GNAS: variants seen among roughly 807,000 people sequenced by gnomAD.
GNAS encodes protein ALEX.
A neutral mutation model predicts 54.5 loss-of-function variants in GNAS; 8 were observed. That is an observed-to-expected ratio of 0.15 (90% CI 0.09 to 0.26). The LOEUF (loss-of-function observed/expected upper bound fraction) is 0.26, where lower values mean the gene tolerates loss of function less well. Ranked by LOEUF, GNAS falls within the 10% of genes least tolerant of loss-of-function variation. The pLI is 1.00. For missense variants in GNAS, 170 were observed against 529.8 expected, an observed-to-expected ratio of 0.32 and a Z score of 6.67; for synonymous variants, 204 against 191.4, an observed-to-expected ratio of 1.07 and a Z score of -0.54.
intron 2 of GNAS, 71 bp downstream of exon 2, chr20:58,895,755 T>C (rs1043815810): frequency 1.4e-5 from 13 of 937,920 alleles, no homozygotes; most frequent in East Asian, 4.9e-5. Context: ...TTAGGAAGTA[T>C]AGGTGGGCTT....
Position 58,905,367 on chromosome 20 carries a change from T to C in GNAS, c.433-16T>C, listed in dbSNP as rs1183144515. On this transcript the variant is annotated splice_polypyrimidine_tract_variant and intron_variant, in intron 5 of 12. Transcript: ENST00000371085. ...AGCTCTTGCCTTTCTCTAAACTTTC[T>C]TGTGTTCACTTTCAGGAATTCTATG... The C allele has an allele frequency of 6.9e-6, 10 of 1,445,382 alleles. No homozygotes were observed. Among genetic ancestry groups the C allele is most frequent in the Non-Finnish European group, 8.8e-6 (9 of 1,025,870 alleles). 89.5% of individuals were successfully genotyped at this position (1,445,382 alleles called of 1,614,324 possible).
intron 1 of GNAS, among the ~76,000 whole-genome samples, chr20:58,851,484 G>C (rs2086170923): frequency 6.6e-6 from 1 of 152,176 alleles, no homozygotes. Flanking sequence ...GTGCCTAGAC[G>C]TGGCTCGCCA....
chr20:58,878,691 G>A (rs540758536), intron 1 of GNAS, among the ~76,000 whole-genome samples: 2 of 152,186 alleles, frequency 1.3e-5, no homozygotes, highest in Admixed American at 1.3e-4. Flanking sequence ...CAGTGATCTG[G>A]CTGATTTTAA....
chr20:58,841,363 C>A lies in GNAS; in HGVS notation c.43+477C>A. On this transcript the variant is annotated intron_variant, in intron 1 of 12. Transcript: ENST00000306090. The surrounding 1 kb of genome is among the most constrained non-coding windows in gnomAD (Gnocchi z 5.0). ...TGAGAGCAGCCGCGCTGTAGAGACA[C>A]CGTTGAAATGTGCGGAAAGTAATCT... is the stretch of plus-strand genomic sequence containing the variant. 9.7e-7 allele frequency: 1 copy of A among 1,029,888 alleles called. No homozygotes were observed. The highest frequency in any genetic ancestry group is 1.2e-6 in the Non-Finnish European group (1 of 857,138). The allele number at this position is 1,029,888 out of a possible 1,614,324, so 63.8% of individuals were successfully genotyped here.
intron 3 of GNAS, chr20:58,900,327 T>C (rs73307957): frequency 6.3e-4 from 174 of 274,786 alleles, no homozygotes; most frequent in African/African-American, 3.3e-3. Context: ...TACCTTGGCC[T>C]GCACGTCTCT....
chr20:58,894,436 C>G (rs1296482516), intron 1 of GNAS, among the ~76,000 whole-genome samples: 1 of 152,116 alleles, frequency 6.6e-6, no homozygotes, highest in Non-Finnish European at 1.5e-5. Context: ...TGATTACGGG[C>G]TTGTGAAAAG....
chr20:58,893,162 AAG>A (rs2089679283), intron 1 of GNAS, among the ~76,000 whole-genome samples: 1 of 150,582 alleles, frequency 6.6e-6, no homozygotes, highest in South Asian at 2.1e-4. Context: ...AAGAGATAAA[AAG>A]ACATTAATTA....
At chr20:58,901,652 G>A (rs1390913313) in intron 3 of GNAS, among the ~76,000 whole-genome samples, 1 of 151,530 alleles carries the variant, frequency 6.6e-6, no homozygotes, top group Non-Finnish European at 1.5e-5. Context: ...GTGGTGCAGT[G>A]ACCTGTGAAA....
At chr20:58,854,820 G>T in intron 1 of GNAS, 1 of 1,591,388 alleles carries the variant, frequency 6.3e-7, no homozygotes. Context: ...TGCAGCCCCT[G>T]CCTCCGGGGC....
At position 58,853,188 on chromosome 20, in the gene GNAS, T is replaced by C; in HGVS notation, c.43+12302T>C. ...TACTTTGATTTTAAAATAATAATAA[T>C]AATTTTTTCACCCTAGTTCGGTTGG... On this transcript the variant is annotated intron_variant, in intron 1 of 12. Transcript: ENST00000306090. This position sits in a 1 kb window ranked among gnomAD's most constrained non-coding sequence, Gnocchi z 4.4. The C allele has an allele frequency of 6.9e-7, 1 of 1,450,256 alleles. No individual in the cohort carries two copies. The allele number at this position is 1,450,256 out of a possible 1,614,324, so 89.8% of individuals were successfully genotyped here. A position where few individuals can be genotyped will look rare whatever the true frequency, so the allele number is the denominator to read the frequency against.
In GNAS at chr20:58,841,239, C is replaced by T; in HGVS notation, c.43+353C>T. Reference sequence around the variant, plus strand: ...CGGCATTGGTAAGTCACTTGTTTTGCGCGCTTTTCTTCCTCCTAGAAAGAC... The same window carrying T: ...CGGCATTGGTAAGTCACTTGTTTTGTGCGCTTTTCTTCCTCCTAGAAAGAC... On this transcript the variant is annotated intron_variant, in intron 1 of 12. Transcript: ENST00000306090. This position sits in a 1 kb window ranked among gnomAD's most constrained non-coding sequence, Gnocchi z 5.0. 2.3e-6 allele frequency: 2 copies of T among 869,194 alleles called. No homozygotes were observed. Among genetic ancestry groups the T allele is most frequent in the Non-Finnish European group, 2.9e-6 (2 of 682,452 alleles). 53.8% of individuals were successfully genotyped at this position (869,194 alleles called of 1,614,324 possible). A position where few individuals can be genotyped will look rare whatever the true frequency, so the allele number is the denominator to read the frequency against.
At chr20:58,840,378 C>T (rs1293544170), upstream of GNAS, 7 of 1,613,416 alleles carry the variant, frequency 4.3e-6, no homozygotes, top group South Asian at 4.4e-5. The surrounding 1 kb of genome is among the most constrained non-coding windows in gnomAD (Gnocchi z 6.0). Flanking sequence ...CACGAGGAGG[C>T]AGACCTTGAG....
chr20:58,854,625 G>A (rs749251651), intron 1 of GNAS: 5 of 1,536,812 alleles, frequency 3.3e-6, no homozygotes, highest in Non-Finnish European at 4.4e-6. Flanking sequence ...AGCCGATCCC[G>A]ACTCCGGGGC....
intron 1 of GNAS, chr20:58,842,006 A>T: frequency 1.1e-6 from 1 of 875,610 alleles, no homozygotes; most frequent in Non-Finnish European, 1.5e-6. Context: ...CAGTCCTTGG[A>T]CGATCAGTCG....
intron 1 of GNAS, chr20:58,850,855 C>A: frequency 2.5e-6 from 1 of 398,874 alleles, no homozygotes; most frequent in Non-Finnish European, 4.4e-6. Context: ...CACCGGCTTC[C>A]AACCACCCCA....
intron 1 of GNAS, chr20:58,876,929 T>C (rs1464335508): frequency 1.3e-5 from 2 of 152,272 alleles, no homozygotes; most frequent in Admixed American, 6.6e-5. Context: ...GCTCAAAACA[T>C]TGATTTTCTC....
upstream of GNAS, chr20:58,840,449 A>ACCGAGTCCGAAATCGAGT (rs2085674326): frequency 6.2e-7 from 1 of 1,613,310 alleles, no homozygotes; most frequent in Non-Finnish European, 8.5e-7. The surrounding 1 kb of genome is among the most constrained non-coding windows in gnomAD (Gnocchi z 6.0). Context: ...CGAGAGCGAG[A>ACCGAGTCCGAAATCGAGT]CCGAGTCCGA....
In GNAS at chr20:58,856,709, A is replaced by G. The variant is rs2086530846; in HGVS notation, c.43+15823A>G. The G allele has an allele frequency of 6.6e-6, 1 of 152,178 alleles. No homozygotes were observed. The highest frequency in any genetic ancestry group is 2.4e-5 in the African/African-American group (1 of 41,436). The allele number at this position is 152,178 out of a possible 1,614,324, so 9.4% of individuals were successfully genotyped here. ...TCTTCTGCAAATTGGCTCTGGATAC[A>G]AAAAATATATAAAGGTATTTTGATT... On this transcript the variant is annotated intron_variant, in intron 1 of 12. Transcript: ENST00000306090. The surrounding 1 kb of genome is among the most constrained non-coding windows in gnomAD (Gnocchi z 4.2).
At chr20:58,858,786 TTCTCTC>T (rs140651291) in intron 1 of GNAS, among the ~76,000 whole-genome samples, 35 of 150,646 alleles carry the variant, frequency 2.3e-4, no homozygotes, top group Middle Eastern at 6.9e-3. Context: ...TATTTTTCTT[TTCTCTC>T]TCTCTCTCTC....
Sources: allele counts gnomAD v4.1 joint callset (sites outside exome capture counted in the v4.1 genomes callset), GRCh38; gene constraint gnomAD v4.1.1; non-coding constraint Gnocchi (gnomAD v3.1); transcripts MANE v1.5; gene names NCBI Gene and HGNC (gene_info 2026-07-23, HGNC 2026-07-21).